Variants in ITPR2 observed in about 807,000 individuals in gnomAD.
The protein encoded by ITPR2 is inositol 1,4,5-trisphosphate receptor type 2.
Under a neutral mutation model 317.1 loss-of-function variants are expected in ITPR2, and 207 were observed. The ratio of observed to expected loss-of-function variants is 0.65; its 90% CI spans 0.58 to 0.73. ITPR2 has a LOEUF of 0.73. Among genes scored for constraint, ITPR2 ranks in the 30% least tolerant of loss-of-function variants. The pLI is 0.00. For synonymous variants in ITPR2, 1,156 were observed against 1,149.1 expected, an observed-to-expected ratio of 1.01 and a Z score of -0.12; for missense variants, 2,613 against 3,284.0, an observed-to-expected ratio of 0.80 and a Z score of 4.99.
intron 1 of ITPR2, among the ~76,000 whole-genome samples, chr12:26,827,494 C>A (rs1592164663): frequency 6.6e-6 from 1 of 152,188 alleles, no homozygotes; most frequent in Non-Finnish European, 1.5e-5. Flanking sequence ...CATCTCCAGT[C>A]AGAGGGGCCT....
intron 37 of ITPR2, among the ~76,000 whole-genome samples, chr12:26,512,048 G>A (rs1421352152): frequency 6.6e-6 from 1 of 151,962 alleles, no homozygotes; most frequent in Non-Finnish European, 1.5e-5. Flanking sequence ...AACATCTTTT[G>A]CTCTTGCTTT....
intron 13 of ITPR2, among the ~76,000 whole-genome samples, chr12:26,668,301 T>C (rs1947672548): frequency 6.6e-6 from 1 of 152,170 alleles, no homozygotes; most frequent in Non-Finnish European, 1.5e-5. Flanking sequence ...TCTAACCTCT[T>C]AAAGAAAACT....
At chr12:26,461,389 C>G (rs756448087) in intron 45 of ITPR2, among the ~76,000 whole-genome samples, 8 of 151,826 alleles carry the variant, frequency 5.3e-5, no homozygotes, top group Non-Finnish European at 5.9e-5. Flanking sequence ...CAGCATGCCA[C>G]CTGTTTTTTA....
rs140126056 is a variant in ITPR2, at chr12:26,807,711, A to C, written c.93-17484T>G. On this transcript the variant is annotated intron_variant, in intron 1 of 56. Transcript: ENST00000381340. The stretch of plus-strand genomic sequence containing the variant: ...TTTCAGAATGTAAGTGCATTTGGTG[A>C]TACCACCCAGAAAACCAGTTGCTTG... Among the ~76,000 whole-genome samples the C allele has an allele frequency of 6.5e-3, 997 of 152,332 alleles. 8 individuals carry two copies. The highest frequency in any genetic ancestry group is 0.011 in the Non-Finnish European group (736 of 68,022).
chr12:26,548,268 G>A (rs985945964), intron 37 of ITPR2, among the ~76,000 whole-genome samples: 3 of 152,188 alleles, frequency 2.0e-5, no homozygotes, highest in African/African-American at 7.2e-5. Context: ...GATTCCAGAT[G>A]AAGCAAAGGT....
intron 37 of ITPR2, among the ~76,000 whole-genome samples, chr12:26,534,929 A>C (rs1290651572): frequency 6.6e-6 from 1 of 152,210 alleles, no homozygotes; most frequent in Non-Finnish European, 1.5e-5. Flanking sequence ...TTAAGGTTAA[A>C]AATTGTTTTA....
chr12:26,782,886 G>A (rs1950121538), intron 2 of ITPR2, among the ~76,000 whole-genome samples: 1 of 152,196 alleles, frequency 6.6e-6, no homozygotes, highest in Admixed American at 6.5e-5. Context: ...CAATTGTTAA[G>A]CGGGTGGAGC....
At chr12:26,584,840 C>T (rs189111165) in intron 32 of ITPR2, among the ~76,000 whole-genome samples, 1 of 152,200 alleles carries the variant, frequency 6.6e-6, no homozygotes, top group African/African-American at 2.4e-5. Flanking sequence ...GAATACAAAT[C>T]CTAAGATCAC....
chr12:26,706,439 A>C (rs570109529), intron 9 of ITPR2, among the ~76,000 whole-genome samples: 17 of 151,984 alleles, frequency 1.1e-4, no homozygotes, highest in African/African-American at 4.1e-4. Context: ...TTACTTCCTA[A>C]CTCACAAGTC....
intron 54 of ITPR2, among the ~76,000 whole-genome samples, chr12:26,393,472 A>T (rs1047328380): frequency 1.3e-5 from 2 of 151,140 alleles, no homozygotes; most frequent in Non-Finnish European, 2.9e-5. Flanking sequence ...AAGGTCCTTT[A>T]AGGGAAGGGA....
intron 37 of ITPR2, among the ~76,000 whole-genome samples, chr12:26,501,240 A>C (rs999309230): frequency 1.4e-4 from 22 of 152,228 alleles, no homozygotes; most frequent in African/African-American, 5.3e-4. Flanking sequence ...TGTTTCTGTA[A>C]CCTTTTGGCT....
intron 1 of ITPR2, among the ~76,000 whole-genome samples, chr12:26,805,780 ATGGC>A (rs1457882782): frequency 1.1e-5 from 1 of 89,844 alleles, no homozygotes; most frequent in Non-Finnish European, 2.5e-5. Context: ...GGAAGCTAAT[ATGGC>A]TGGCAGGAGC....
chr12:26,674,767 A>C (rs1359689570), intron 13 of ITPR2, among the ~76,000 whole-genome samples: 2 of 152,170 alleles, frequency 1.3e-5, no homozygotes, highest in Admixed American at 1.3e-4. Context: ...GCAACCCACA[A>C]AATGGGAGAA....
intron 1 of ITPR2, among the ~76,000 whole-genome samples, chr12:26,802,568 GATATAGATATAGATATATCTAT>G (rs760545552): frequency 1.5e-5 from 2 of 134,426 alleles, no homozygotes; most frequent in Non-Finnish European, 3.1e-5. Flanking sequence ...TCTATATATA[GATATAGATATAGATATATCTAT>G]ATATAGATAT....
At chr12:26,517,699 A>G (rs1411608846) in intron 37 of ITPR2, among the ~76,000 whole-genome samples, 3 of 152,088 alleles carry the variant, frequency 2.0e-5, no homozygotes, top group Admixed American at 6.6e-5. Context: ...TTAGCCAGAC[A>G]TGGTGGTGCC....
At chr12:26,351,078 T>C (rs1023435161) in intron 55 of ITPR2, among the ~76,000 whole-genome samples, 1 of 152,202 alleles carries the variant, frequency 6.6e-6, no homozygotes, top group Admixed American at 6.5e-5. Flanking sequence ...GCAGCACTGC[T>C]AGGGCAGTAA....
chr12:26,710,247 A>G (rs7295709), intron 9 of ITPR2, among the ~76,000 whole-genome samples: 10,226 of 152,316 alleles, frequency 0.067, 509 homozygotes, highest in African/African-American at 0.14. Context: ...TCATGCCAGC[A>G]TCACTTACCC....
At chr12:26,392,575 G>T (rs1013631839) in intron 54 of ITPR2, among the ~76,000 whole-genome samples, 1 of 152,200 alleles carries the variant, frequency 6.6e-6, no homozygotes, top group African/African-American at 2.4e-5. Context: ...ACCTGGCAGT[G>T]TCTGGAGAAC....
At chr12:26,649,901 C>A (rs1387303392) in intron 21 of ITPR2, among the ~76,000 whole-genome samples, 1 of 152,080 alleles carries the variant, frequency 6.6e-6, no homozygotes. Flanking sequence ...GACTATTTCT[C>A]CCAATAGGAG....
Sources: allele counts gnomAD v4.1 joint callset (sites outside exome capture counted in the v4.1 genomes callset), GRCh38; gene constraint gnomAD v4.1.1; transcripts MANE v1.5; gene names NCBI Gene and HGNC (gene_info 2026-07-23, HGNC 2026-07-21).